KITLG: variants seen among roughly 807,000 people sequenced by gnomAD.
KITLG encodes the protein c-Kit ligand.
In KITLG, 13 loss-of-function variants were observed where a neutral mutation model predicts 34.1. The ratio of observed to expected loss-of-function variants is 0.38; its 90% confidence interval spans 0.25 to 0.61. The LOEUF (loss-of-function observed/expected upper bound fraction) is 0.61. Among genes scored for constraint, KITLG ranks in the 20% least tolerant of loss-of-function variants. The pLI, the probability that KITLG is intolerant of heterozygous loss-of-function variation, is 0.60. For missense variants in KITLG, 292 were observed against 318.9 expected, an observed-to-expected ratio of 0.92 and a Z score of 0.64; for synonymous variants, 110 against 104.0, an observed-to-expected ratio of 1.06 and a Z score of -0.35.
chr12:88,579,985 G>A (rs190054318), intron 1 of KITLG: 25 of 579,272 alleles, frequency 4.3e-5, no homozygotes, highest in Middle Eastern at 4.6e-4. Flanking sequence ...TCCACCAGAC[G>A]GGAATTACGG....
chr12:88,541,415 T>C (rs970110335), intron 2 of KITLG, among the ~76,000 whole-genome samples: 2 of 152,184 alleles, frequency 1.3e-5, no homozygotes, highest in Middle Eastern at 3.2e-3. Flanking sequence ...TTTTTCTTTT[T>C]AGCAACAAAA....
Position 88,516,339 on chromosome 12 carries a change from T to G in KITLG, c.515A>C (p.Glu172Ala). The G allele has an allele frequency of 6.2e-7, 1 of 1,610,516 alleles. No individual in the cohort carries two copies. Among genetic ancestry groups the G allele is most frequent in the Non-Finnish European group, 8.5e-7 (1 of 1,177,464 alleles). Residue 172 changes from glutamate to alanine, a missense_variant, in exon 5 of 10, where the codon GAG becomes GCG. Glu to Ala is a moderately radical substitution (Grantham distance 107, BLOSUM62 -1). Transcript: ENST00000644744. ...DCVVSSTLSPEKDSRVSVTKP... is the reference protein window; with the variant it reads ...DCVVSSTLSPAKDSRVSVTKP... ...GAAATGCTTACATGTCTTACCTTTC[T>G]CAGGACTTAATGTTGAAGAAACCAC...
At chr12:88,512,062 C>G (rs1398447684) in intron 6 of KITLG, among the ~76,000 whole-genome samples, 1 of 152,050 alleles carries the variant, frequency 6.6e-6, no homozygotes, top group Non-Finnish European at 1.5e-5. Flanking sequence ...AGGAAGAAGT[C>G]AATAGACATC....
chr12:88,560,045 C>T (rs576721695), intron 1 of KITLG, among the ~76,000 whole-genome samples: 1 of 152,318 alleles, frequency 6.6e-6, no homozygotes, highest in African/African-American at 2.4e-5. Flanking sequence ...AATCCTGGTG[C>T]TGTCACGTGT....
intron 1 of KITLG, among the ~76,000 whole-genome samples, chr12:88,555,706 G>A (rs940194969): frequency 6.6e-6 from 1 of 152,136 alleles, no homozygotes; most frequent in Non-Finnish European, 1.5e-5. Context: ...ATAGCTAGAG[G>A]GAGGGGAGAA....
chr12:88,560,990 A>AAAAG (rs1566034788), intron 1 of KITLG, among the ~76,000 whole-genome samples: 20 of 150,420 alleles, frequency 1.3e-4, no homozygotes, highest in South Asian at 4.2e-4. Context: ...AAAAAAAAAA[A>AAAAG]AAAGAAAGAA....
At chr12:88,565,107 C>A (rs1871402405) in intron 1 of KITLG, among the ~76,000 whole-genome samples, 2 of 152,044 alleles carry the variant, frequency 1.3e-5, no homozygotes, top group South Asian at 2.1e-4. Flanking sequence ...TCATCTAAAC[C>A]CTCTCATATT....
At chr12:88,554,530 C>A (rs1871033896) in intron 1 of KITLG, among the ~76,000 whole-genome samples, 1 of 152,080 alleles carries the variant, frequency 6.6e-6, no homozygotes, top group African/African-American at 2.4e-5. Context: ...CCCTTGTAGC[C>A]CAAATGTATT....
At chr12:88,579,582 T>G (rs1871943083) in intron 1 of KITLG, among the ~76,000 whole-genome samples, 1 of 152,168 alleles carries the variant, frequency 6.6e-6, no homozygotes, top group Admixed American at 6.5e-5. Flanking sequence ...GTGCCTATTT[T>G]ATAAAAAGCC....
At chr12:88,522,718 G>A (rs1300361343) in intron 3 of KITLG, among the ~76,000 whole-genome samples, 7 of 151,992 alleles carry the variant, frequency 4.6e-5, no homozygotes, top group African/African-American at 1.4e-4. Context: ...GTGAGCCACC[G>A]CGCCCACCCC....
At chr12:88,561,576 T>C (rs1205110017) in intron 1 of KITLG, among the ~76,000 whole-genome samples, 1 of 152,230 alleles carries the variant, frequency 6.6e-6, no homozygotes, top group Admixed American at 6.5e-5. Flanking sequence ...CTCACAATAG[T>C]ATCTTCTTCT....
intron 1 of KITLG, among the ~76,000 whole-genome samples, chr12:88,573,070 C>T (rs1295287804): frequency 1.3e-5 from 2 of 152,126 alleles, no homozygotes; most frequent in Admixed American, 1.3e-4. Context: ...TACACAGAAC[C>T]ATAAATAATG....
rs530995762 is a variant in KITLG, at chr12:88,537,192, C to T, written c.130-4689G>A. On this transcript the variant is annotated intron_variant, in intron 2 of 9. Transcript: ENST00000644744. ...ATGCATTTGTACGTTCATCACAGTA[C>T]TATTCGCAATAGAAAGACATGGAAT... Among the ~76,000 whole-genome samples, 3 of 152,118 alleles carry T rather than the reference C, an allele frequency of 2.0e-5. 1 individual carries two copies. Among genetic ancestry groups the T allele is most frequent in the African/African-American group, 7.2e-5 (3 of 41,502 alleles).
At chr12:88,556,406 A>G (rs1871099906) in intron 1 of KITLG, among the ~76,000 whole-genome samples, 1 of 152,174 alleles carries the variant, frequency 6.6e-6, no homozygotes, top group African/African-American at 2.4e-5. Flanking sequence ...AGAGAGGGCA[A>G]CAAACCTGGG....
intron 2 of KITLG, among the ~76,000 whole-genome samples, chr12:88,538,463 TAC>T (rs1253646308): frequency 6.6e-6 from 1 of 151,726 alleles, no homozygotes; most frequent in Non-Finnish European, 1.5e-5. Flanking sequence ...TGGTTTGACT[TAC>T]TTACGTAAGT....
At chr12:88,542,425 G>C (rs1870548911) in intron 2 of KITLG, among the ~76,000 whole-genome samples, 1 of 151,964 alleles carries the variant, frequency 6.6e-6, no homozygotes, top group South Asian at 2.1e-4. Context: ...TTTGTCCAAG[G>C]CCACACAGCC....
At chr12:88,573,328 T>A (rs535554945) in intron 1 of KITLG, among the ~76,000 whole-genome samples, 25 of 152,274 alleles carry the variant, frequency 1.6e-4, no homozygotes, top group Admixed American at 3.3e-4. Context: ...CTGTGTGTTT[T>A]CCCAAGGCAG....
At chr12:88,534,280 C>T (rs966326004) in intron 2 of KITLG, among the ~76,000 whole-genome samples, 7 of 152,120 alleles carry the variant, frequency 4.6e-5, no homozygotes, top group Non-Finnish European at 1.0e-4. Context: ...CACTCTACAC[C>T]CTCTGGGCAC....
In KITLG at chr12:88,495,342, A is replaced by G. The variant is rs1481738166; in HGVS notation, c.*1877T>C. ...GCATAACTCATATTAATCTGTATCTATTTTCCTGAAAACAGTCAATGCCAC... is the reference window on the plus strand; with the variant it reads ...GCATAACTCATATTAATCTGTATCTGTTTTCCTGAAAACAGTCAATGCCAC... On this transcript the variant is annotated 3_prime_UTR_variant, in exon 10 of 10. Transcript: ENST00000644744. The G allele has an allele frequency of 6.6e-6, 1 of 152,026 alleles. No homozygotes were observed. The highest frequency in any genetic ancestry group is 1.5e-5 in the Non-Finnish European group (1 of 67,962). The allele number at this position is 152,026 out of a possible 1,614,324, so 9.4% of individuals were successfully genotyped here. A position where few individuals can be genotyped will look rare whatever the true frequency, so the allele number is the denominator to read the frequency against.
Sources: gnomAD v4.1 joint callset for allele counts (sites outside exome capture counted in the v4.1 genomes callset) on GRCh38, gnomAD v4.1.1 for gene constraint, MANE v1.5 for transcripts, NCBI Gene and HGNC (gene_info 2026-07-23, HGNC 2026-07-21) for gene names.